The following POU6F2 variants were observed in gnomAD, a reference collection of about 807,000 sequenced individuals.
The protein encoded by POU6F2 is POU domain, class 6, transcription factor 2.
A neutral mutation model predicts 71.3 loss-of-function variants in POU6F2; 31 were observed. That is an observed-to-expected ratio of 0.43 (90% confidence interval 0.33 to 0.59). The LOEUF is 0.59. Among genes scored for constraint, POU6F2 ranks in the 20% least tolerant of loss-of-function variants. The probability of loss-of-function intolerance (pLI) is 0.04; values close to 1 mark genes in which losing one functional copy is unlikely to be tolerated. For missense variants in POU6F2, 783 were observed against 856.8 expected (o/e 0.91, Z 1.07); for synonymous variants, 347 against 355.7 (o/e 0.98, Z 0.27).
chr7:39,412,538 G>T (rs184401360), intron 6 of POU6F2, among the ~76,000 whole-genome samples: 6 of 151,984 alleles, frequency 3.9e-5, no homozygotes, highest in Non-Finnish European at 7.4e-5. Flanking sequence ...AAACCCCATG[G>T]AAAAGAAATA....
At chr7:39,143,433 A>G (rs1792548560) in intron 2 of POU6F2, among the ~76,000 whole-genome samples, 1 of 152,240 alleles carries the variant, frequency 6.6e-6, no homozygotes. Flanking sequence ...GGTCTAGTTG[A>G]TCAGTGAAGC....
chr7:39,204,987 G>A (rs1793981015), intron 3 of POU6F2, among the ~76,000 whole-genome samples: 1 of 151,140 alleles, frequency 6.6e-6, no homozygotes, highest in South Asian at 2.1e-4. Flanking sequence ...GAGAAGCTGA[G>A]ACTTGGGCCT....
At chr7:39,187,903 A>G (rs923207285) in intron 2 of POU6F2, among the ~76,000 whole-genome samples, 4 of 152,116 alleles carry the variant, frequency 2.6e-5, no homozygotes, top group Non-Finnish European at 5.9e-5. Flanking sequence ...ATTCTTACAT[A>G]TTAGCCATAT....
At chr7:39,036,872 G>GTTATTA (rs113776913) in intron 1 of POU6F2, among the ~76,000 whole-genome samples, 2 of 147,446 alleles carry the variant, frequency 1.4e-5, no homozygotes, top group African/African-American at 5.0e-5. Context: ...AAGAGTACCT[G>GTTATTA]TTATTATTAT....
chr7:39,450,075 T>A (rs1436211834), intron 7 of POU6F2, among the ~76,000 whole-genome samples: 1 of 152,230 alleles, frequency 6.6e-6, no homozygotes, highest in East Asian at 1.9e-4. Flanking sequence ...AAACTCTGTG[T>A]TTAAAATGGG....
chr7:39,366,616 C>T (rs1384327417), intron 5 of POU6F2, among the ~76,000 whole-genome samples: 1 of 152,116 alleles, frequency 6.6e-6, no homozygotes, highest in Non-Finnish European at 1.5e-5. Flanking sequence ...ACACTAGGAG[C>T]GGGTAGGGAA....
intron 1 of POU6F2, among the ~76,000 whole-genome samples, chr7:38,987,303 CT>C (rs1211375944): frequency 1.3e-5 from 2 of 152,118 alleles, no homozygotes; most frequent in Non-Finnish European, 2.9e-5. Context: ...GCGTAAAGAG[CT>C]GGTTCTCAGT....
chr7:39,451,750 C>G (rs1054505225), intron 8 of POU6F2, 49 bp downstream of exon 8: 3 of 1,499,990 alleles, frequency 2.0e-6, no homozygotes, highest in Non-Finnish European at 2.7e-6. Flanking sequence ...CTTCTTGTTG[C>G]CTATTTGCAA....
rs1205677880 is a variant in POU6F2 at position 39,087,162 on chromosome 7, T to TAA, written c.277+1131_277+1132insAA. On this transcript the variant is annotated intron_variant, in intron 2 of 9. Transcript: ENST00000518318. The stretch of plus-strand genomic sequence containing the variant: ...AGGCTTTATTAATTAATTAATTAAT[T>TAA]TATTTATTTATTTATTTATTTATTT... Among the ~76,000 whole-genome samples, 334 of 81,864 alleles carry TAA rather than the reference T, an allele frequency of 4.1e-3. 2 individuals carry two copies. In the East Asian group the frequency reaches 0.058, roughly 14 times the overall value. 53.7% of individuals were successfully genotyped at this position (81,864 alleles called of 152,430 possible). A position where few individuals can be genotyped will look rare whatever the true frequency, so the allele number is the denominator to read the frequency against.
chr7:39,201,470 T>A (rs567196187), intron 2 of POU6F2, among the ~76,000 whole-genome samples: 1 of 152,320 alleles, frequency 6.6e-6, no homozygotes, highest in East Asian at 1.9e-4. Context: ...ACTGCTGAAT[T>A]AAAAGCCAGA....
chr7:39,417,206 C>T (rs1015483555), intron 6 of POU6F2, among the ~76,000 whole-genome samples: 3 of 152,166 alleles, frequency 2.0e-5, no homozygotes, highest in African/African-American at 7.2e-5. Context: ...TTCAAATAAA[C>T]ATTCAGTATA....
chr7:38,997,870 T>C (rs1254550546), intron 1 of POU6F2, among the ~76,000 whole-genome samples: 1 of 152,196 alleles, frequency 6.6e-6, no homozygotes, highest in African/African-American at 2.4e-5. Flanking sequence ...GGAAAGAGAT[T>C]ATCAAGTCCA....
chr7:39,387,620 A>G (rs563819388), intron 5 of POU6F2, among the ~76,000 whole-genome samples: 1 of 152,366 alleles, frequency 6.6e-6, no homozygotes, highest in South Asian at 2.1e-4. Context: ...CTGGCTCCAC[A>G]CAGCAGAACT....
chr7:39,348,630 C>T lies in POU6F2; in HGVS notation c.972+8615C>T, dbSNP rs895212919. 2.6e-5 allele frequency among the ~76,000 whole-genome samples: 4 copies of T among 152,142 alleles called. No individual in the cohort carries two copies. In the East Asian group the frequency reaches 7.7e-4, roughly 29 times the overall value. On this transcript the variant is annotated intron_variant, in intron 5 of 9. Coordinates refer to ENST00000518318, the MANE Select transcript of POU6F2 (RefSeq NM_001370959.1). ...CAAAGTGTCTCTATTTATATCTTAC[C>T]ACCTCTGCGATGTTCATTTTGGTTA...
intron 5 of POU6F2, 73 bp downstream of exon 5, chr7:39,340,088 A>G: frequency 6.9e-7 from 1 of 1,453,110 alleles, no homozygotes; most frequent in South Asian, 1.4e-5. Context: ...CCATCCCCAA[A>G]GGCAGAGGGA....
chr7:39,048,046 T>C (rs1308632063), intron 1 of POU6F2, among the ~76,000 whole-genome samples: 1 of 151,958 alleles, frequency 6.6e-6, no homozygotes, highest in East Asian at 1.9e-4. Flanking sequence ...ACTTTACTCT[T>C]TCTCTATTTT....
intron 5 of POU6F2, among the ~76,000 whole-genome samples, chr7:39,392,281 T>C (rs1025166992): frequency 6.6e-6 from 1 of 152,214 alleles, no homozygotes; most frequent in African/African-American, 2.4e-5. Context: ...TAAAGAGTTA[T>C]TAAAACCCAG....
At chr7:39,221,026 C>T (rs1333358307) in intron 4 of POU6F2, among the ~76,000 whole-genome samples, 1 of 151,936 alleles carries the variant, frequency 6.6e-6, no homozygotes, top group Non-Finnish European at 1.5e-5. Flanking sequence ...GAGTTAAATA[C>T]AATATCTTAT....
intron 1 of POU6F2, among the ~76,000 whole-genome samples, chr7:39,080,490 A>C (rs1791095195): frequency 6.6e-6 from 1 of 152,188 alleles, no homozygotes. Flanking sequence ...CCCAAGTTGA[A>C]ATGTAGCATT....
Sources: gnomAD v4.1 joint callset for allele counts (sites outside exome capture counted in the v4.1 genomes callset) on GRCh38, gnomAD v4.1.1 for gene constraint, MANE v1.5 for transcripts, NCBI Gene and HGNC (gene_info 2026-07-23, HGNC 2026-07-21) for gene names.